The following FGD3 variants were observed in gnomAD, a reference collection of about 807,000 sequenced individuals.
The protein encoded by FGD3 is FYVE, RhoGEF and PH domain containing 3.
Under a neutral mutation model 71.8 loss-of-function variants are expected in FGD3, and 45 were observed. The observed-to-expected ratio is 0.63, with a 90% CI of 0.49 to 0.80. The LOEUF (loss-of-function observed/expected upper bound fraction) is 0.80. Among genes scored for constraint, FGD3 ranks in the 30% least tolerant of loss-of-function variants. The probability of loss-of-function intolerance (pLI) is 0.00; values close to 1 mark genes in which losing one functional copy is unlikely to be tolerated. For missense variants in FGD3, 844 were observed against 951.5 expected (o/e 0.89, Z 1.49); for synonymous variants, 378 against 392.8 (o/e 0.96, Z 0.44).
chr9:92,991,085 G>A (rs1222196636), intron 3 of FGD3, among the ~76,000 whole-genome samples: 1 of 151,954 alleles, frequency 6.6e-6, no homozygotes, highest in Admixed American at 6.6e-5. Flanking sequence ...TTGTTTGTTT[G>A]TTTGTTTGTT....
chr9:93,016,511 T>C (rs750236281), intron 10 of FGD3, among the ~76,000 whole-genome samples: 6 of 151,472 alleles, frequency 4.0e-5, no homozygotes, highest in Non-Finnish European at 8.8e-5. Context: ...CTAATTTTTG[T>C]ATTTTTAGTA....
chr9:92,955,003 G>A (rs1859024350), intron 1 of FGD3, among the ~76,000 whole-genome samples: 1 of 152,232 alleles, frequency 6.6e-6, no homozygotes. Context: ...GTGTCCGAGA[G>A]CCAGCTGCAC....
intron 5 of FGD3, among the ~76,000 whole-genome samples, chr9:93,004,599 G>T (rs10124709): frequency 0.047 from 7,154 of 152,194 alleles, 594 homozygotes; most frequent in African/African-American, 0.16. Context: ...ATTAGCAGAG[G>T]GACAGCTCAG....
At chr9:92,968,486 C>T (rs541065686) in intron 1 of FGD3, among the ~76,000 whole-genome samples, 2 of 152,222 alleles carry the variant, frequency 1.3e-5, no homozygotes, top group African/African-American at 4.8e-5. Flanking sequence ...CCTCCATCCA[C>T]TCCCACAGCA....
intron 6 of FGD3, 68 bp downstream of exon 6, chr9:93,006,248 T>G: frequency 7.0e-6 from 10 of 1,420,190 alleles, no homozygotes; most frequent in Non-Finnish European, 9.3e-6. Flanking sequence ...GTTTTATTTT[T>G]TAAAAACATA....
chr9:93,025,124 G>A (rs1191402391), intron 14 of FGD3, among the ~76,000 whole-genome samples: 1 of 152,198 alleles, frequency 6.6e-6, no homozygotes, highest in African/African-American at 2.4e-5. Flanking sequence ...CTCGATGGGT[G>A]CGCCCAGCTG....
intron 3 of FGD3, among the ~76,000 whole-genome samples, chr9:92,977,862 T>C (rs1358479171): frequency 6.6e-6 from 1 of 152,184 alleles, no homozygotes; most frequent in Non-Finnish European, 1.5e-5. Flanking sequence ...TTTTGTAGTT[T>C]ACACACAACT....
chr9:93,034,808 T>A (rs1815431703), intron 17 of FGD3, 127 bp downstream of exon 17: 4 of 1,108,208 alleles, frequency 3.6e-6, no homozygotes, highest in Non-Finnish European at 5.0e-6. Flanking sequence ...GGGGCCTCAG[T>A]TTCCCCGGCA....
rs1372076132 is a variant in FGD3, at chr9:93,036,189, T to A, written c.*600T>A. 3 of 152,582 alleles carry A rather than the reference T, an allele frequency of 2.0e-5. No individual in the cohort carries two copies. The highest frequency in any genetic ancestry group is 2.0e-4 in the Admixed American group (3 of 15,288). The allele number at this position is 152,582 out of a possible 1,614,324, so 9.5% of individuals were successfully genotyped here. A position where few individuals can be genotyped will look rare whatever the true frequency, so the allele number is the denominator to read the frequency against. On this transcript the variant is annotated 3_prime_UTR_variant, in exon 18 of 18. Transcript: ENST00000375482. The stretch of plus-strand genomic sequence containing the variant: ...GATTTGTGGCTGTTCCTGATGCTAG[T>A]GGCACACAGTGCTTATCTGCATAAA...
At chr9:92,990,554 G>T (rs1860367332) in intron 3 of FGD3, among the ~76,000 whole-genome samples, 1 of 152,148 alleles carries the variant, frequency 6.6e-6, no homozygotes, top group African/African-American at 2.4e-5. Flanking sequence ...TTAGCTGTGG[G>T]TTTCTCACAT....
At position 93,013,389 on chromosome 9, in the gene FGD3, G is replaced by A. The variant is rs138323069; in HGVS notation, c.1036-463G>A. On this transcript the variant is annotated intron_variant, in intron 8 of 17. Transcript: ENST00000375482. The stretch of plus-strand genomic sequence containing the variant: ...CGTCTGGCTCAGAGCTGAAGCATGA[G>A]CTTTGACGCTGTCCCATCGCACTTC... 6.2e-4 allele frequency among the ~76,000 whole-genome samples: 95 copies of A among 152,314 alleles called. No individual in the cohort carries two copies. The East Asian group carries it at 0.017, about 28-fold the overall frequency.
chr9:93,002,636 GTC>G (rs1203175659), intron 3 of FGD3, among the ~76,000 whole-genome samples: 1 of 152,122 alleles, frequency 6.6e-6, no homozygotes, highest in Non-Finnish European at 1.5e-5. Context: ...TTAACCTTAT[GTC>G]TCTGAGCAGA....
Position 92,954,802 on chromosome 9 carries a change from G to A in FGD3, c.-218+7073G>A, listed in dbSNP as rs546331134. 2.6e-5 allele frequency among the ~76,000 whole-genome samples: 4 copies of A among 152,312 alleles called. No individual in the cohort carries two copies. The South Asian group carries it at 8.3e-4, about 32-fold the overall frequency. On this transcript the variant is annotated intron_variant, in intron 1 of 17. Coordinates refer to ENST00000375482, the MANE Select transcript of FGD3 (RefSeq NM_001083536.2). ...CCCTTTGTCCTGCACCTTGGGCTGT[G>A]TCCTAGAGACCAGCCACCTCAGCTG...
chr9:93,016,859 G>T (rs1472076761), intron 10 of FGD3, among the ~76,000 whole-genome samples: 2 of 152,100 alleles, frequency 1.3e-5, no homozygotes, highest in Non-Finnish European at 2.9e-5. Flanking sequence ...CTGACCTCGT[G>T]ATCCACCTGC....
At chr9:92,983,715 C>T (rs188846674) in intron 3 of FGD3, among the ~76,000 whole-genome samples, 2 of 152,282 alleles carry the variant, frequency 1.3e-5, no homozygotes, top group Admixed American at 1.3e-4. Flanking sequence ...ACTGAATACT[C>T]CTTTAACTCT....
Position 93,029,996 on chromosome 9 carries a change from G to A in FGD3, c.1680G>A (p.Ala560=), listed in dbSNP as rs1260144999. 4.3e-6 allele frequency: 7 copies of A among 1,611,208 alleles called. No individual in the cohort carries two copies. Among genetic ancestry groups the A allele is most frequent in the Admixed American group, 3.3e-5 (2 of 59,932 alleles). Residue 560 remains alanine (A), a splice_region_variant and synonymous_variant, in exon 15 of 18, where the codon GCG becomes GCA. Transcript: ENST00000375482. ...GGCATCACTGCAAGCTGTGTGGGGC[G>A]GTGAGTCCCGGGAGAGGGGGACAGG... is the stretch of plus-strand genomic sequence containing the variant. ...KRRHHCKLCG[A]VICGKCSEFK...
chr9:93,005,958 T>C (rs1861033804), intron 5 of FGD3, 66 bp from the exon 6 acceptor site: 9 of 1,513,192 alleles, frequency 5.9e-6, no homozygotes, highest in Non-Finnish European at 8.0e-6. Context: ...GTGGAGTTCA[T>C]GTCCACTAAC....
chr9:93,023,468 C>A (rs1862003422), intron 14 of FGD3, among the ~76,000 whole-genome samples: 1 of 152,200 alleles, frequency 6.6e-6, no homozygotes, highest in Non-Finnish European at 1.5e-5. Context: ...AGCGCAGCCA[C>A]CTGGCCTCTG....
At position 93,012,858 on chromosome 9, in the gene FGD3, T is replaced by G. The variant is rs574857926; in HGVS notation, c.1036-994T>G. On this transcript the variant is annotated intron_variant, in intron 8 of 17. Coordinates refer to ENST00000375482, the MANE Select transcript of FGD3 (RefSeq NM_001083536.2). Reference sequence around the variant, plus strand: ...ACCCAGCCCCCTGGGACATGACAGGTGCACACCCAGCCCTCTTAGTGCACA... The same window carrying G: ...ACCCAGCCCCCTGGGACATGACAGGGGCACACCCAGCCCTCTTAGTGCACA... Among the ~76,000 whole-genome samples the G allele has an allele frequency of 4.6e-5, 7 of 152,040 alleles. No homozygotes were observed. In the East Asian group the frequency reaches 1.4e-3, roughly 29 times the overall value.
Sources: gnomAD v4.1 joint callset for allele counts (sites outside exome capture counted in the v4.1 genomes callset) on GRCh38, gnomAD v4.1.1 for gene constraint, MANE v1.5 for transcripts, NCBI Gene and HGNC (gene_info 2026-07-23, HGNC 2026-07-21) for gene names.